Variants in SLC14A1 observed in about 807,000 individuals in gnomAD.
SLC14A1 encodes the protein solute carrier family 14 member 1 (Kidd blood group), also known as urea transporter 1.
A neutral mutation model predicts 39.6 loss-of-function variants in SLC14A1; 36 were observed. The observed-to-expected ratio is 0.91, with a 90% CI of 0.70 to 1.20. SLC14A1 has a LOEUF of 1.20. Among genes scored for constraint, SLC14A1 ranks in the 50% most tolerant of loss-of-function variants. The probability of loss-of-function intolerance (pLI) is 0.00; values close to 1 mark genes in which losing one functional copy is unlikely to be tolerated. For missense variants in SLC14A1, 469 were observed against 478.7 expected (o/e 0.98, Z 0.19); for synonymous variants, 164 against 173.6 (o/e 0.94, Z 0.43).
chr18:45,747,830 G>A (rs757808407), intron 8 of SLC14A1, among the ~76,000 whole-genome samples: 3 of 152,112 alleles, frequency 2.0e-5, no homozygotes, highest in Admixed American at 6.6e-5. Context: ...TTCTTATTTT[G>A]TAAACATGGT....
intron 9 of SLC14A1, 110 bp from the exon 10 acceptor site, chr18:45,749,668 C>A: frequency 8.2e-7 from 1 of 1,215,250 alleles, no homozygotes; most frequent in Non-Finnish European, 1.2e-6. Flanking sequence ...AGAGCAATGC[C>A]CCCAGTGGTT....
chr18:45,747,241 T>C (rs2047568864), intron 8 of SLC14A1: 1 of 152,182 alleles, frequency 6.6e-6, no homozygotes, highest in African/African-American at 2.4e-5. Flanking sequence ...ACCTGAGGGC[T>C]TCCCTGAGCC....
intron 8 of SLC14A1, 160 bp downstream of exon 8, chr18:45,739,822 CTG>C (rs1599295951): frequency 3.6e-6 from 3 of 836,132 alleles, no homozygotes; most frequent in Non-Finnish European, 5.8e-6. Flanking sequence ...CGTCCCCTCT[CTG>C]AGAGCATTAA....
chr18:45,726,126 C>T (rs2046856661), intron 2 of SLC14A1, among the ~76,000 whole-genome samples: 1 of 152,204 alleles, frequency 6.6e-6, no homozygotes, highest in South Asian at 2.1e-4. Context: ...ATGCAACATG[C>T]AGGCACATCA....
intron 6 of SLC14A1, among the ~76,000 whole-genome samples, chr18:45,737,880 C>G (rs1049102548): frequency 6.6e-6 from 1 of 152,142 alleles, no homozygotes; most frequent in African/African-American, 2.4e-5. Flanking sequence ...CAGTGCTGAT[C>G]TGGGGCAGGG....
chr18:45,727,277 T>C (rs1342190297), intron 2 of SLC14A1: 2 of 1,551,674 alleles, frequency 1.3e-6, no homozygotes, highest in East Asian at 2.4e-5. Context: ...TAAGGATGAA[T>C]GGACGGTCTT....
At chr18:45,746,889 A>C (rs901330280) in intron 8 of SLC14A1, among the ~76,000 whole-genome samples, 5 of 152,374 alleles carry the variant, frequency 3.3e-5, no homozygotes, top group Middle Eastern at 3.4e-3. Context: ...GTTATACAAC[A>C]AATAAAATGG....
chr18:45,730,546 A>T lies in SLC14A1; in HGVS notation c.151+75A>T. 5 of 1,491,198 alleles carry T rather than the reference A, an allele frequency of 3.4e-6. No homozygotes were observed. In the South Asian group the frequency reaches 5.7e-5, roughly 17 times the overall value. 92.4% of individuals were successfully genotyped at this position (1,491,198 alleles called of 1,614,324 possible). The stretch of plus-strand genomic sequence containing the variant: ...AAATGGTTTCCTGGTACTTCTACTT[A>T]TACCTTTAGTTATATTCTCCAACTT... On this transcript the variant is annotated intron_variant, in intron 3 of 9. Transcript: ENST00000321925.
chr18:45,748,532 T>G, intron 9 of SLC14A1, 107 bp downstream of exon 9: 1 of 1,135,512 alleles, frequency 8.8e-7, no homozygotes, highest in Non-Finnish European at 1.3e-6. Flanking sequence ...GCAGGATCCA[T>G]GACCATGAGA....
In SLC14A1 at chr18:45,750,487, C is replaced by T; in HGVS notation, c.*536C>T. ...TGCAAGCTGACAGCAGAGCTCAGTCCCCACTTCCTGCAAACAATGGCCTGC... is the reference window on the plus strand; with the variant it reads ...TGCAAGCTGACAGCAGAGCTCAGTCTCCACTTCCTGCAAACAATGGCCTGC... On this transcript the variant is annotated 3_prime_UTR_variant, in exon 10 of 10. Coordinates refer to ENST00000321925, the MANE Select transcript of SLC14A1 (RefSeq NM_015865.7). 1 of 1,024,740 alleles carries T rather than the reference C, an allele frequency of 9.8e-7. No individual in the cohort carries two copies. The highest frequency in any genetic ancestry group is 1.2e-6 in the Non-Finnish European group (1 of 854,108). The allele number at this position is 1,024,740 out of a possible 1,614,324, so 63.5% of individuals were successfully genotyped here.
intron 8 of SLC14A1, 74 bp downstream of exon 8, chr18:45,739,736 G>A (rs747224040): frequency 1.6e-5 from 26 of 1,599,574 alleles, no homozygotes; most frequent in South Asian, 4.4e-5. Flanking sequence ...CAGTAAAAAC[G>A]GACTGCATGA....
intron 2 of SLC14A1, chr18:45,726,738 G>C (rs766883141): frequency 6.5e-6 from 1 of 152,674 alleles, no homozygotes; most frequent in East Asian, 1.9e-4. Context: ...CTTACAAAGC[G>C]TGGCTAGTAT....
intron 2 of SLC14A1, chr18:45,726,628 CT>C (rs2046870557): frequency 6.6e-6 from 1 of 151,320 alleles, no homozygotes; most frequent in African/African-American, 2.4e-5. Flanking sequence ...GACTTTGTCT[CT>C]AAAAAAAAAT....
In SLC14A1 at chr18:45,750,605, C is replaced by G. The variant is rs1050968889; in HGVS notation, c.*654C>G. 20 of 986,186 alleles carry G rather than the reference C, an allele frequency of 2.0e-5. No homozygotes were observed. The highest frequency in any genetic ancestry group is 2.2e-5 in the Non-Finnish European group (18 of 830,600). 61.1% of individuals were successfully genotyped at this position (986,186 alleles called of 1,614,324 possible). A position where few individuals can be genotyped will look rare whatever the true frequency, so the allele number is the denominator to read the frequency against. On this transcript the variant is annotated 3_prime_UTR_variant, in exon 10 of 10. Coordinates refer to ENST00000321925, the MANE Select transcript of SLC14A1 (RefSeq NM_015865.7). ...TGCAAGAGGGAGAAAGGAATTTTGT[C>G]AATCAAAATTATTCTGTATTGCAAC...
intron 5 of SLC14A1, 127 bp downstream of exon 5, chr18:45,734,529 G>A: frequency 1.0e-6 from 1 of 982,674 alleles, no homozygotes; most frequent in Non-Finnish European, 1.6e-6. Flanking sequence ...AATGTATAGT[G>A]GTGATGGTTG....
chr18:45,744,323 G>A (rs903551811), intron 8 of SLC14A1, among the ~76,000 whole-genome samples: 6 of 152,320 alleles, frequency 3.9e-5, no homozygotes, highest in African/African-American at 1.4e-4. Flanking sequence ...GGTTTGCAAA[G>A]AGAGTTTTGT....
intron 8 of SLC14A1, among the ~76,000 whole-genome samples, chr18:45,740,865 G>A (rs78152130): frequency 0.022 from 3,361 of 152,200 alleles, 120 homozygotes; most frequent in African/African-American, 0.071. Context: ...AGTTCTCAGG[G>A]GGTGCTGATG....
chr18:45,749,553 C>G (rs1003108364), intron 9 of SLC14A1, among the ~76,000 whole-genome samples: 8 of 152,062 alleles, frequency 5.3e-5, no homozygotes, highest in African/African-American at 1.7e-4. Flanking sequence ...GAAAGACATA[C>G]AAGATAGAGA....
At position 45,739,152 on chromosome 18, in the gene SLC14A1, T is replaced by C. The variant is rs1387201305; in HGVS notation, c.664-11T>C. 2 of 1,614,068 alleles carry C rather than the reference T, an allele frequency of 1.2e-6. No homozygotes were observed. Among genetic ancestry groups the C allele is most frequent in the East Asian group, 4.5e-5 (2 of 44,898 alleles). On this transcript the variant is annotated splice_polypyrimidine_tract_variant and intron_variant, in intron 6 of 9. Coordinates refer to ENST00000321925, the MANE Select transcript of SLC14A1 (RefSeq NM_015865.7). ...TTTGGTAGCCTCATTTTTCTTAAAT[T>C]TCTTTTGCAGTTGTTGAAATCTATA...
Sources: allele counts gnomAD v4.1 joint callset (sites outside exome capture counted in the v4.1 genomes callset), GRCh38; gene constraint gnomAD v4.1.1; transcripts MANE v1.5; gene names NCBI Gene and HGNC (gene_info 2026-07-23, HGNC 2026-07-21).